Variants in NUCB1 observed in about 807,000 individuals in gnomAD.
NUCB1 encodes nucleobindin 1, also known as nucleobindin-1.
In NUCB1, 47 loss-of-function variants were observed where a neutral mutation model predicts 61.2. The ratio of observed to expected loss-of-function variants is 0.77; its 90% CI spans 0.61 to 0.98. NUCB1 has a LOEUF of 0.98. Ranked by LOEUF, NUCB1 falls within the 50% of genes least tolerant of loss-of-function variation. The pLI is 0.00. For synonymous variants in NUCB1, 234 were observed against 243.1 expected (o/e 0.96, Z 0.35); for missense variants, 583 against 605.3 (o/e 0.96, Z 0.39).
intron 11 of NUCB1, 41 bp downstream of exon 11, chr19:48,921,365 G>C: frequency 6.4e-7 from 1 of 1,551,688 alleles, no homozygotes; most frequent in Admixed American, 1.9e-5. Context: ...TGAATCTCTG[G>C]CTGCCCGTGT....
At chr19:48,921,970 T>C in intron 12 of NUCB1, 38 bp downstream of exon 12, 2 of 1,491,644 alleles carry the variant, frequency 1.3e-6, no homozygotes, top group Non-Finnish European at 1.8e-6. Flanking sequence ...GCTGCAGGGC[T>C]GGACCCCTGG....
rs1231920072 is a variant in NUCB1, at chr19:48,922,900, AC to A, written c.*478del. 6.5e-6 allele frequency: 1 copy of A among 155,012 alleles called. No homozygotes were observed. The highest frequency in any genetic ancestry group is 2.4e-5 in the African/African-American group (1 of 41,440). The allele number at this position is 155,012 out of a possible 1,614,324, so 9.6% of individuals were successfully genotyped here. On this transcript the variant is annotated 3_prime_UTR_variant, in exon 13 of 13. Coordinates refer to ENST00000405315, the MANE Select transcript of NUCB1 (RefSeq NM_006184.6). ...GGGTGGTCCCTCAAGACCTTCCCCT[AC>A]CTTTTGTGGAACCAGTGATGCCTCA... is the stretch of plus-strand genomic sequence containing the variant.
Position 48,905,902 on chromosome 19 carries a change from CG to C in NUCB1, c.376+20del. Reference sequence around the variant, plus strand: ...AGGATCCCAGTGAGCAGGGGCAGGGCGGGAGGGACAGGCAGGGAGGGGTGGG... The same window carrying C: ...AGGATCCCAGTGAGCAGGGGCAGGGCGGAGGGACAGGCAGGGAGGGGTGGG... On this transcript the variant is annotated intron_variant, in intron 4 of 12. Coordinates refer to ENST00000405315, the MANE Select transcript of NUCB1 (RefSeq NM_006184.6). The C allele has an allele frequency of 6.6e-6, 2 of 305,294 alleles. No individual in the cohort carries two copies. The highest frequency in any genetic ancestry group is 2.7e-5 in the South Asian group (1 of 37,264). The allele number at this position is 305,294 out of a possible 1,614,324, so 18.9% of individuals were successfully genotyped here.
chr19:48,917,385 G>A (rs542270568), intron 7 of NUCB1, among the ~76,000 whole-genome samples: 18 of 150,978 alleles, frequency 1.2e-4, no homozygotes, highest in Non-Finnish European at 2.5e-4. Context: ...GTGCAGTGGC[G>A]TGATCATGGC....
intron 7 of NUCB1, among the ~76,000 whole-genome samples, chr19:48,915,256 G>A (rs1479202252): frequency 6.6e-6 from 1 of 151,828 alleles, no homozygotes; most frequent in Non-Finnish European, 1.5e-5. Context: ...AGGCGGGTGG[G>A]TCCCTTGAGG....
chr19:48,918,424 A>G, intron 7 of NUCB1: 1 of 330,310 alleles, frequency 3.0e-6, no homozygotes, highest in Non-Finnish European at 5.7e-6. Context: ...CCTGGAGCTG[A>G]CTCTGTGTCC....
intron 8 of NUCB1, 79 bp downstream of exon 8, chr19:48,918,863 C>G (rs775267955): frequency 1.0e-4 from 143 of 1,417,788 alleles, no homozygotes; most frequent in Non-Finnish European, 1.4e-4. Flanking sequence ...CCCCTTAAAT[C>G]CCCCTGGATG....
At chr19:48,906,204 G>C (rs1269448923) in intron 4 of NUCB1, among the ~76,000 whole-genome samples, 1 of 152,072 alleles carries the variant, frequency 6.6e-6, no homozygotes, top group African/African-American at 2.4e-5. Flanking sequence ...TCGGGAATTG[G>C]AGACTATCTG....
At chr19:48,906,278 C>T (rs187839633) in intron 4 of NUCB1, among the ~76,000 whole-genome samples, 7 of 151,888 alleles carry the variant, frequency 4.6e-5, no homozygotes, top group Admixed American at 2.6e-4. Context: ...GTGGTGCACG[C>T]CTGTAATCCT....
intron 8 of NUCB1, 23 bp downstream of exon 8, chr19:48,918,807 G>A (rs1370294005): frequency 2.5e-6 from 4 of 1,609,222 alleles, no homozygotes; most frequent in Middle Eastern, 1.7e-4. Context: ...GAAGCCTCGG[G>A]CACCTGGAGG....
In NUCB1 at chr19:48,922,473, A is replaced by C. The variant is rs775285869; in HGVS notation, c.*49A>C. The C allele has an allele frequency of 2.0e-6, 3 of 1,471,224 alleles. No individual in the cohort carries two copies. Among genetic ancestry groups the C allele is most frequent in the Non-Finnish European group, 2.9e-6 (3 of 1,051,710 alleles). The allele number at this position is 1,471,224 out of a possible 1,614,324, so 91.1% of individuals were successfully genotyped here. On this transcript the variant is annotated 3_prime_UTR_variant, in exon 13 of 13. Coordinates refer to ENST00000405315, the MANE Select transcript of NUCB1 (RefSeq NM_006184.6). ...GATTCCTGATGCTCCAAGGCGACTG[A>C]TGGGCGCTGGATGAAGTGGCACAGT... is the stretch of plus-strand genomic sequence containing the variant.
At chr19:48,902,955 G>A (rs370612290) in intron 2 of NUCB1, among the ~76,000 whole-genome samples, 1 of 113,556 alleles carries the variant, frequency 8.8e-6, no homozygotes. Flanking sequence ...ATATATATAT[G>A]TTTAATAGAC....
chr19:48,923,001 G>C lies in NUCB1; in HGVS notation c.*577G>C, dbSNP rs2037629222. Reference sequence around the variant, plus strand: ...TATAGCCGGTGAACCCTGATACCAGGAGCCTGGGCCTCCCTGAACCCCTGG... The same window carrying C: ...TATAGCCGGTGAACCCTGATACCAGCAGCCTGGGCCTCCCTGAACCCCTGG... On this transcript the variant is annotated 3_prime_UTR_variant, in exon 13 of 13. Coordinates refer to ENST00000405315, the MANE Select transcript of NUCB1 (RefSeq NM_006184.6). 1 of 152,852 alleles carries C rather than the reference G, an allele frequency of 6.5e-6. No individual in the cohort carries two copies. The highest frequency in any genetic ancestry group is 2.1e-4 in the South Asian group (1 of 4,878). 9.5% of individuals were successfully genotyped at this position (152,852 alleles called of 1,614,324 possible). A position where few individuals can be genotyped will look rare whatever the true frequency, so the allele number is the denominator to read the frequency against.
intron 2 of NUCB1, among the ~76,000 whole-genome samples, chr19:48,901,273 G>A (rs890714823): frequency 6.6e-6 from 1 of 152,180 alleles, no homozygotes; most frequent in South Asian, 2.1e-4. Context: ...TGGCTAGCTG[G>A]GGTATTCTGA....
At position 48,900,822 on chromosome 19, in the gene NUCB1, C is replaced by T. The variant is rs149579121; in HGVS notation, c.26C>T (p.Thr9Ile). Residue 9 changes from threonine to isoleucine, a missense_variant, in exon 2 of 13, where the codon ACC becomes ATC. By Grantham distance (89) the Thr-to-Ile change is moderately conservative (BLOSUM62 -1). Coordinates refer to ENST00000405315, the MANE Select transcript of NUCB1 (RefSeq NM_006184.6). ...ATGCCTCCCTCTGGGCCCCGAGGAACCCTCCTTCTGTTGCCGCTGCTGCTG... is the reference window on the plus strand; with the variant it reads ...ATGCCTCCCTCTGGGCCCCGAGGAATCCTCCTTCTGTTGCCGCTGCTGCTG... The part of the protein sequence containing the change: MPPSGPRG[T>I]LLLLPLLLLL... The T allele has an allele frequency of 7.4e-5, 120 of 1,613,880 alleles. 1 individual carries two copies. The highest frequency in any genetic ancestry group is 9.6e-5 in the Non-Finnish European group (113 of 1,180,038).
At chr19:48,920,434 C>T (rs1262493629) in intron 10 of NUCB1, among the ~76,000 whole-genome samples, 1 of 152,160 alleles carries the variant, frequency 6.6e-6, no homozygotes, top group Non-Finnish European at 1.5e-5. Flanking sequence ...TCAGGTGATC[C>T]TCCTTCCTTA....
rs536924946 is a variant in NUCB1 at position 48,913,914 on chromosome 19, C to G, written c.757+350C>G. The stretch of plus-strand genomic sequence containing the variant: ...ACCCTGTCGCTAGGAGTGGGTTGTT[C>G]CCTAAGAACCAGGCCTCCAGAAGCC... On this transcript the variant is annotated intron_variant, in intron 7 of 12. Coordinates refer to ENST00000405315, the MANE Select transcript of NUCB1 (RefSeq NM_006184.6). Among the ~76,000 whole-genome samples, 4 of 152,228 alleles carry G rather than the reference C, an allele frequency of 2.6e-5. No homozygotes were observed. In the South Asian group the frequency reaches 8.3e-4, roughly 32 times the overall value.
In NUCB1 at chr19:48,913,571, T is replaced by G. The variant is rs1486781651; in HGVS notation, c.757+7T>G. ...ACCTTCTTCATACTGCATGGTAAGG[T>G]GGGGAGGGAGTTCCAGAGCCAGGAT... On this transcript the variant is annotated splice_region_variant and intron_variant, in intron 7 of 12. Coordinates refer to ENST00000405315, the MANE Select transcript of NUCB1 (RefSeq NM_006184.6). The G allele has an allele frequency of 1.2e-6, 2 of 1,610,752 alleles. No homozygotes were observed. Among genetic ancestry groups the G allele is most frequent in the Non-Finnish European group, 1.7e-6 (2 of 1,177,124 alleles).
rs573357425 is a variant in NUCB1, at chr19:48,902,838, A to C, written c.136-1509A>C. Among the ~76,000 whole-genome samples the C allele has an allele frequency of 7.9e-5, 12 of 152,008 alleles. No homozygotes were observed. In the East Asian group the frequency reaches 2.1e-3, roughly 27 times the overall value. ...GCAGAGCAAGTTGAGGACGTCAAGG[A>C]GGCTGCTGTGGCTGGAGCAGGGAGA... On this transcript the variant is annotated intron_variant, in intron 2 of 12. Transcript: ENST00000405315.
Sources: gnomAD v4.1 joint callset for allele counts (sites outside exome capture counted in the v4.1 genomes callset) on GRCh38, gnomAD v4.1.1 for gene constraint, MANE v1.5 for transcripts, NCBI Gene and HGNC (gene_info 2026-07-23, HGNC 2026-07-21) for gene names.